FAM83B: variants seen among roughly 807,000 people sequenced by gnomAD.
FAM83B encodes protein FAM83B.
FAM83B carries 26 observed loss-of-function variants against 38.8 expected under a neutral mutation model. The observed-to-expected ratio is 0.67, with a 90% confidence interval of 0.49 to 0.93. The LOEUF (loss-of-function observed/expected upper bound fraction) is 0.93. Among genes scored for constraint, FAM83B ranks in the 40% least tolerant of loss-of-function variants. FAM83B has a pLI of 0.00. For missense variants in FAM83B, 1,237 were observed against 1,197.3 expected, an observed-to-expected ratio of 1.03 and a Z score of -0.49; for synonymous variants, 419 against 423.1, an observed-to-expected ratio of 0.99 and a Z score of 0.12.
At chr6:54,853,939 G>T (rs1312671805) in intron 1 of FAM83B, among the ~76,000 whole-genome samples, 1 of 152,168 alleles carries the variant, frequency 6.6e-6, no homozygotes, top group Non-Finnish European at 1.5e-5. Context: ...ATGGGAGGCG[G>T]TCAAAATATC....
Position 54,944,834 on chromosome 6 carries a change from A to G in FAM83B, c.*2827A>G, listed in dbSNP as rs983191699. The G allele has an allele frequency of 6.6e-6, 1 of 152,120 alleles. No homozygotes were observed. The highest frequency in any genetic ancestry group is 2.4e-5 in the African/African-American group (1 of 41,428). The allele number at this position is 152,120 out of a possible 1,614,324, so 9.4% of individuals were successfully genotyped here. A position where few individuals can be genotyped will look rare whatever the true frequency, so the allele number is the denominator to read the frequency against. ...TAACTTTATCATGATATTCAGGTAG[A>G]TCCTGGGTTCTAGAATATTTAAAAC... On this transcript the variant is annotated 3_prime_UTR_variant, in exon 5 of 5. Transcript: ENST00000306858.
Position 54,939,768 on chromosome 6 carries a change from T to A in FAM83B, c.797T>A (p.Val266Asp), listed in dbSNP as rs753625833. Reference protein sequence around the residue: ...SMVQIITGQLVESFDEEFRTL... With the variant: ...SMVQIITGQLDESFDEEFRTL... ...GTTCAGATAATTACAGGACAACTTGTTGAGTCCTTTGATGAAGAATTTAGA... is the reference window on the plus strand; with the variant it reads ...GTTCAGATAATTACAGGACAACTTGATGAGTCCTTTGATGAAGAATTTAGA... The change falls in exon 5 of 5, where the codon GTT (valine) becomes GAT (aspartate). Residue 266 changes from valine to aspartate, a missense_variant. Transcript: ENST00000306858. The A allele has an allele frequency of 3.7e-6, 6 of 1,613,894 alleles. No individual in the cohort carries two copies. Among genetic ancestry groups the A allele is most frequent in the Non-Finnish European group, 4.2e-6 (5 of 1,179,896 alleles).
intron 1 of FAM83B, among the ~76,000 whole-genome samples, chr6:54,863,376 C>T (rs1350391077): frequency 6.6e-6 from 1 of 152,156 alleles, no homozygotes; most frequent in East Asian, 1.9e-4. Flanking sequence ...GGGCCTTTGT[C>T]TCATTTAGTC....
At position 54,869,068 on chromosome 6, in the gene FAM83B, G is replaced by A. The variant is rs1385004977; in HGVS notation, c.-60-1119G>A. Among the ~76,000 whole-genome samples, 3 of 152,208 alleles carry A rather than the reference G, an allele frequency of 2.0e-5. No homozygotes were observed. In the East Asian group the frequency reaches 5.8e-4, roughly 29 times the overall value. ...AGAGCCCATTCCAGTATCTCACACA[G>A]TGTGGAGTAGTGACTGAATGATTGA... On this transcript the variant is annotated intron_variant, in intron 1 of 4. Coordinates refer to ENST00000306858, the MANE Select transcript of FAM83B (RefSeq NM_001010872.3).
At position 54,941,883 on chromosome 6, in the gene FAM83B, G is replaced by C. The variant is rs1773711924; in HGVS notation, c.2912G>C (p.Ser971Thr). 6.2e-7 allele frequency: 1 copy of C among 1,613,940 alleles called. No individual in the cohort carries two copies. Among genetic ancestry groups the C allele is most frequent in the Non-Finnish European group, 8.5e-7 (1 of 1,180,000 alleles). The change falls in exon 5 of 5, where the codon AGT (serine) becomes ACT (threonine). Residue 971 changes from serine (S) to threonine (T), a missense_variant. Physicochemically the swap from Ser to Thr is moderately conservative, Grantham distance 58 (BLOSUM62 1). Coordinates refer to ENST00000306858, the MANE Select transcript of FAM83B (RefSeq NM_001010872.3). ...PEIKSATMGN[S>T]YGRSSPLLNY... ...ATAAAATCTGCGACTATGGGCAACAGTTATGGCAGGTCTAGTCCATTGCTT... is the reference window on the plus strand; with the variant it reads ...ATAAAATCTGCGACTATGGGCAACACTTATGGCAGGTCTAGTCCATTGCTT...
chr6:54,897,414 A>G (rs1018773030), intron 2 of FAM83B, among the ~76,000 whole-genome samples: 43 of 152,308 alleles, frequency 2.8e-4, no homozygotes, highest in Middle Eastern at 6.8e-3. Context: ...AAAATTTCTG[A>G]CATTTACTTA....
chr6:54,897,195 A>C (rs1772557832), intron 2 of FAM83B, among the ~76,000 whole-genome samples: 1 of 151,164 alleles, frequency 6.6e-6, no homozygotes, highest in South Asian at 2.1e-4. Context: ...TACTGCTGCT[A>C]CACTGGTATG....
chr6:54,893,514 T>C (rs1447276321), intron 2 of FAM83B, among the ~76,000 whole-genome samples: 1 of 152,098 alleles, frequency 6.6e-6, no homozygotes, highest in African/African-American at 2.4e-5. Context: ...TTGGGAAATT[T>C]CTAGGTATAA....
In FAM83B at chr6:54,849,517, G is replaced by A. The variant is rs190008352; in HGVS notation, c.-61+2691G>A. 2.4e-3 allele frequency among the ~76,000 whole-genome samples: 366 copies of A among 151,774 alleles called. 2 individuals are homozygous for A. Among genetic ancestry groups the A allele is most frequent in the African/African-American group, 8.4e-3 (347 of 41,284 alleles). On this transcript the variant is annotated intron_variant, in intron 1 of 4. Coordinates refer to ENST00000306858, the MANE Select transcript of FAM83B (RefSeq NM_001010872.3). ...GGGGCTAACATGTACAGAAGGTAGG[G>A]GTGGGTGATGGAGGGGGCAAAGGAT...
At chr6:54,849,463 C>G (rs7748302) in intron 1 of FAM83B, among the ~76,000 whole-genome samples, 25,405 of 138,348 alleles carry the variant, frequency 0.18, 2,444 homozygotes, top group African/African-American at 0.28. Flanking sequence ...GGGCTGTATG[C>G]TGGGGAGGAG....
In FAM83B at chr6:54,870,488, A is replaced by T; in HGVS notation, c.242A>T (p.Asp81Val). The change falls in exon 2 of 5, where the codon GAT becomes GTT. Residue 81 changes from aspartate (D) to valine (V), a missense_variant. Physicochemically the swap from Asp to Val is radical, Grantham distance 152 (BLOSUM62 -3). Coordinates refer to ENST00000306858, the MANE Select transcript of FAM83B (RefSeq NM_001010872.3). ...CAAAGCACAGCACATGGTACTGATGATTCCTGTGATGATACCTTATCTTCA... is the reference window on the plus strand; with the variant it reads ...CAAAGCACAGCACATGGTACTGATGTTTCCTGTGATGATACCTTATCTTCA... ...VAQSTAHGTD[D>V]SCDDTLSSGT... The T allele has an allele frequency of 6.2e-7, 1 of 1,614,052 alleles. No homozygotes were observed. The highest frequency in any genetic ancestry group is 8.5e-7 in the Non-Finnish European group (1 of 1,179,954).
At chr6:54,923,807 A>G (rs960609995) in intron 2 of FAM83B, among the ~76,000 whole-genome samples, 4 of 151,784 alleles carry the variant, frequency 2.6e-5, no homozygotes, top group African/African-American at 4.8e-5. Context: ...CTGGCTTCAT[A>G]TAATAGATGA....
In FAM83B at chr6:54,940,143, G is replaced by C. The variant is rs769761541; in HGVS notation, c.1172G>C (p.Gly391Ala). ...NENWKRHSYA[G>A]EQPETVPYLL... Reference sequence around the variant, plus strand: ...AATTGGAAAAGGCATAGTTATGCTGGGGAACAGCCAGAAACAGTGCCATAC... The same window carrying C: ...AATTGGAAAAGGCATAGTTATGCTGCGGAACAGCCAGAAACAGTGCCATAC... Residue 391 changes from glycine (G) to alanine (A), a missense_variant, in exon 5 of 5, where the codon GGG becomes GCG. By Grantham distance (60) the Gly-to-Ala change is moderately conservative. Coordinates refer to ENST00000306858, the MANE Select transcript of FAM83B (RefSeq NM_001010872.3). The C allele has an allele frequency of 2.5e-6, 4 of 1,614,040 alleles. No homozygotes were observed. The highest frequency in any genetic ancestry group is 1.7e-5 in the Admixed American group (1 of 59,972).
intron 1 of FAM83B, among the ~76,000 whole-genome samples, chr6:54,852,886 G>T (rs1025327935): frequency 3.3e-5 from 5 of 152,210 alleles, no homozygotes; most frequent in African/African-American, 1.2e-4. Flanking sequence ...TTTGAATGCT[G>T]CCCAATACAA....
Position 54,931,528 on chromosome 6 carries a change from CT to C in FAM83B, c.734+3902del, listed in dbSNP as rs1427000183. The stretch of plus-strand genomic sequence containing the variant: ...TTATATCTTCTTGGTGAATTGACCC[CT>C]TTTTTATCACATAATATTCTTCTTT... On this transcript the variant is annotated intron_variant, in intron 4 of 4. Transcript: ENST00000306858. Among the ~76,000 whole-genome samples the C allele has an allele frequency of 3.3e-5, 5 of 152,092 alleles. No individual in the cohort carries two copies. In the South Asian group the frequency reaches 8.3e-4, roughly 25 times the overall value.
chr6:54,903,232 G>A (rs1331389758), intron 2 of FAM83B, among the ~76,000 whole-genome samples: 3 of 152,156 alleles, frequency 2.0e-5, no homozygotes, highest in African/African-American at 7.2e-5. Context: ...TCTTACAAAT[G>A]TAAGTGTAGA....
chr6:54,880,301 T>G (rs1482161403), intron 2 of FAM83B, among the ~76,000 whole-genome samples: 1 of 152,254 alleles, frequency 6.6e-6, no homozygotes, highest in South Asian at 2.1e-4. Context: ...TTTCCACCTG[T>G]TTACTCTTTA....
In FAM83B at chr6:54,940,881, A is replaced by G. The variant is rs766545478; in HGVS notation, c.1910A>G (p.Tyr637Cys). The change falls in exon 5 of 5, where the codon TAT becomes TGT. Residue 637 changes from tyrosine (Y) to cysteine (C), a missense_variant. Transcript: ENST00000306858. ...TTNGHTESNNYIYKTLGVNKQ... is the reference protein window; with the variant it reads ...TTNGHTESNNCIYKTLGVNKQ... ...AATGGCCATACTGAATCAAATAACT[A>G]TATATATAAAACCTTGGGTGTAAAT... 1.2e-6 allele frequency: 2 copies of G among 1,613,810 alleles called. No individual in the cohort carries two copies. The highest frequency in any genetic ancestry group is 1.1e-5 in the South Asian group (1 of 91,070).
At chr6:54,929,959 T>C (rs1273007395) in intron 4 of FAM83B, among the ~76,000 whole-genome samples, 1 of 152,176 alleles carries the variant, frequency 6.6e-6, no homozygotes, top group African/African-American at 2.4e-5. Flanking sequence ...ATGCAGTTGC[T>C]CAATTCTTTT....
Sources: allele counts gnomAD v4.1 joint callset (sites outside exome capture counted in the v4.1 genomes callset), GRCh38; gene constraint gnomAD v4.1.1; transcripts MANE v1.5; gene names NCBI Gene and HGNC (gene_info 2026-07-23, HGNC 2026-07-21).